The following KDM7A variants were observed in gnomAD, a reference collection of about 807,000 sequenced individuals.
KDM7A encodes lysine demethylase 7A.
In KDM7A, 28 loss-of-function variants were observed where a neutral mutation model predicts 114.8. That is an observed-to-expected ratio of 0.24 (90% CI 0.18 to 0.33). The LOEUF is 0.33. Ranked by LOEUF, KDM7A falls within the 10% of genes least tolerant of loss-of-function variation. KDM7A has a pLI of 1.00. For missense variants in KDM7A, 942 were observed against 1,142.5 expected (o/e 0.82, Z 2.53); for synonymous variants, 423 against 397.8 (o/e 1.06, Z -0.75).
At chr7:140,109,597 C>A (rs1403541817) in intron 11 of KDM7A, among the ~76,000 whole-genome samples, 11 of 152,174 alleles carry the variant, frequency 7.2e-5, no homozygotes, top group Admixed American at 7.2e-4. Context: ...AGGTATATAG[C>A]CAGGACTTCC....
chr7:140,155,274 A>C (rs776324642), intron 1 of KDM7A, among the ~76,000 whole-genome samples: 1 of 152,224 alleles, frequency 6.6e-6, no homozygotes, highest in Non-Finnish European at 1.5e-5. Flanking sequence ...CATAAGAAGC[A>C]AGATATAACA....
intron 1 of KDM7A, among the ~76,000 whole-genome samples, chr7:140,143,364 G>C (rs778050461): frequency 2.6e-5 from 4 of 152,036 alleles, no homozygotes; most frequent in Non-Finnish European, 4.4e-5. Flanking sequence ...TGAAAAGGAT[G>C]GCAGGTGGTG....
At chr7:140,097,972 C>T (rs980039051) in intron 14 of KDM7A, among the ~76,000 whole-genome samples, 5 of 152,238 alleles carry the variant, frequency 3.3e-5, no homozygotes, top group African/African-American at 1.2e-4. Flanking sequence ...GCTTTTCACA[C>T]TTCTCCTTTT....
chr7:140,125,437 A>C (rs186312647), intron 6 of KDM7A, among the ~76,000 whole-genome samples: 273 of 152,378 alleles, frequency 1.8e-3, no homozygotes, highest in South Asian at 5.2e-3. Context: ...CCTAGTATAA[A>C]CGAGGAACTG....
At chr7:140,122,358 G>C (rs1818629583) in intron 7 of KDM7A, among the ~76,000 whole-genome samples, 1 of 151,726 alleles carries the variant, frequency 6.6e-6, no homozygotes, top group African/African-American at 2.4e-5. Context: ...TTTATGATTT[G>C]AAGAATCATA....
At chr7:140,149,630 G>A (rs1794377059) in intron 1 of KDM7A, among the ~76,000 whole-genome samples, 1 of 152,166 alleles carries the variant, frequency 6.6e-6, no homozygotes, top group Admixed American at 6.5e-5. Flanking sequence ...TGTCTACACA[G>A]ACTAAAGAAA....
At position 140,108,576 on chromosome 7, in the gene KDM7A, G is replaced by A. The variant is rs534039905; in HGVS notation, c.1428+2519C>T. On this transcript the variant is annotated intron_variant, in intron 11 of 19. Coordinates refer to ENST00000397560, the MANE Select transcript of KDM7A (RefSeq NM_030647.2). ...GACCGTTTGCCTGGGTATCACCAGC[G>A]GAGGCTGCAAATATTGCAGAACAGC... 1.3e-3 allele frequency among the ~76,000 whole-genome samples: 200 copies of A among 152,258 alleles called. 2 individuals carry two copies. The highest frequency in any genetic ancestry group is 4.5e-3 in the African/African-American group (186 of 41,558).
chr7:140,139,303 T>A, intron 1 of KDM7A, 113 bp from the exon 2 acceptor site: 1 of 681,750 alleles, frequency 1.5e-6, no homozygotes, highest in Non-Finnish European at 2.6e-6. Context: ...ACCAACACAT[T>A]TTTGTAGAGC....
In KDM7A at chr7:140,125,882, T is replaced by C. The variant is rs929964447; in HGVS notation, c.888+755A>G. ...TCTTGAGTAGCTGTGACTACAAGCA[T>C]GAGCCACCATGCCTGGCTACTTTTT... is the stretch of plus-strand genomic sequence containing the variant. On this transcript the variant is annotated intron_variant, in intron 6 of 19. Coordinates refer to ENST00000397560, the MANE Select transcript of KDM7A (RefSeq NM_030647.2). Among the ~76,000 whole-genome samples, 7 of 151,680 alleles carry C rather than the reference T, an allele frequency of 4.6e-5. No individual in the cohort carries two copies. In the East Asian group the frequency reaches 1.2e-3, roughly 25 times the overall value.
chr7:140,092,850 TAGTA>T (rs1818044333), intron 18 of KDM7A, among the ~76,000 whole-genome samples: 1 of 152,226 alleles, frequency 6.6e-6, no homozygotes, highest in South Asian at 2.1e-4. Flanking sequence ...CCTATAGTGC[TAGTA>T]AGTGATAAAC....
intron 1 of KDM7A, among the ~76,000 whole-genome samples, chr7:140,170,184 ATT>A (rs1794622927): frequency 6.6e-6 from 1 of 150,970 alleles, no homozygotes; most frequent in Non-Finnish European, 1.5e-5. Flanking sequence ...AAAAAAATCC[ATT>A]TATATAACAA....
At chr7:140,097,115 A>C in intron 15 of KDM7A, 68 bp from the exon 16 acceptor site, 1 of 1,178,628 alleles carries the variant, frequency 8.5e-7, no homozygotes, top group Non-Finnish European at 1.2e-6. Context: ...AATGAATCCG[A>C]AAAGATTTTA....
chr7:140,109,252 C>T (rs1366600009), intron 11 of KDM7A, among the ~76,000 whole-genome samples: 2 of 152,190 alleles, frequency 1.3e-5, no homozygotes, highest in Admixed American at 6.5e-5. Context: ...CTTTGGCTCA[C>T]GCTCCGTGGG....
At chr7:140,111,776 T>C (rs1474958701) in intron 10 of KDM7A, among the ~76,000 whole-genome samples, 2 of 152,114 alleles carry the variant, frequency 1.3e-5, no homozygotes, top group African/African-American at 2.4e-5. Context: ...CTGGCCAACA[T>C]GGCAAAACCC....
At chr7:140,121,729 G>A (rs1249938430) in intron 7 of KDM7A, among the ~76,000 whole-genome samples, 1 of 152,062 alleles carries the variant, frequency 6.6e-6, no homozygotes, top group Non-Finnish European at 1.5e-5. Context: ...ATTTTCCTGC[G>A]CATTCATATA....
intron 9 of KDM7A, among the ~76,000 whole-genome samples, chr7:140,114,950 A>G (rs1351516749): frequency 8.1e-6 from 1 of 123,234 alleles, no homozygotes; most frequent in Admixed American, 8.1e-5. Flanking sequence ...GCCCCTTCTG[A>G]TAACTGAGGA....
At chr7:140,115,229 G>C (rs1241758038) in intron 9 of KDM7A, among the ~76,000 whole-genome samples, 5 of 148,664 alleles carry the variant, frequency 3.4e-5, no homozygotes, top group Non-Finnish European at 7.5e-5. Context: ...GGGCGCCTCT[G>C]CCCGGCCGCC....
intron 14 of KDM7A, 44 bp downstream of exon 14, chr7:140,098,835 T>C: frequency 6.7e-7 from 1 of 1,485,676 alleles, no homozygotes; most frequent in Non-Finnish European, 9.3e-7. Flanking sequence ...TATTATCACA[T>C]TAGTAATCAA....
In KDM7A at chr7:140,102,009, A is replaced by AT; in HGVS notation, c.1579dup (p.Ile527AsnfsTer26). 3.1e-6 allele frequency: 5 copies of AT among 1,613,780 alleles called. No individual in the cohort carries two copies. The highest frequency in any genetic ancestry group is 4.2e-6 in the Non-Finnish European group (5 of 1,179,832). ...GACCTCCCTTGTGTGGAGCTCTAGG[A>AT]TGTCTAGGTTAGAAGGAGTTCGGAC... On this transcript the variant is annotated frameshift_variant, in exon 12 of 20. Coordinates refer to ENST00000397560, the MANE Select transcript of KDM7A (RefSeq NM_030647.2).
Sources: gnomAD v4.1 joint callset for allele counts (sites outside exome capture counted in the v4.1 genomes callset) on GRCh38, gnomAD v4.1.1 for gene constraint, MANE v1.5 for transcripts, NCBI Gene and HGNC (gene_info 2026-07-23, HGNC 2026-07-21) for gene names.